DCC: variants seen among roughly 807,000 people sequenced by gnomAD.
DCC encodes the protein DCC netrin 1 receptor, also known as netrin receptor DCC.
A neutral mutation model predicts 172.5 loss-of-function variants in DCC; 58 were observed. That is an observed-to-expected ratio of 0.34 (90% confidence interval 0.27 to 0.42). The LOEUF (loss-of-function observed/expected upper bound fraction) is 0.42. DCC is among the 10% of genes least tolerant of loss of function. DCC has a pLI of 1.00. For missense variants in DCC, 1,740 were observed against 1,791.0 expected, an observed-to-expected ratio of 0.97 and a Z score of 0.51; for synonymous variants, 709 against 644.5, an observed-to-expected ratio of 1.10 and a Z score of -1.52.
Position 52,773,522 on chromosome 18 carries a change from T to TATCTATCTATCTATCTATC in DCC, c.412+21148_412+21149insATCTATCTATCTATCTATC, listed in dbSNP as rs1568093891. Among the ~76,000 whole-genome samples, 339 of 151,490 alleles carry TATCTATCTATCTATCTATC rather than the reference T, an allele frequency of 2.2e-3. 3 individuals carry two copies. Among genetic ancestry groups the TATCTATCTATCTATCTATC allele is most frequent in the African/African-American group, 8.0e-3 (330 of 41,156 alleles). On this transcript the variant is annotated intron_variant, in intron 2 of 28. Coordinates refer to ENST00000442544, the MANE Select transcript of DCC (RefSeq NM_005215.4). ...TCTCTATATATCTATATCTATCTATTTATCTATCTATCTATATATTTTGAG... is the reference window on the plus strand; with the variant it reads ...TCTCTATATATCTATATCTATCTATTATCTATCTATCTATCTATCTATCTATCTATCTATATATTTTGAG...
chr18:52,684,218 G>C (rs1445785720), intron 1 of DCC, among the ~76,000 whole-genome samples: 2 of 152,044 alleles, frequency 1.3e-5, no homozygotes, highest in East Asian at 3.9e-4. Flanking sequence ...TCTGACCTTT[G>C]TTAATCATTG....
chr18:53,291,459 C>G (rs182174881), intron 12 of DCC, among the ~76,000 whole-genome samples: 12 of 152,208 alleles, frequency 7.9e-5, no homozygotes, highest in Admixed American at 6.5e-4. Flanking sequence ...GTGAAATAAA[C>G]TTTTCTCAAG....
chr18:53,368,460 T>C (rs997605805), intron 15 of DCC, among the ~76,000 whole-genome samples: 2 of 116,868 alleles, frequency 1.7e-5, no homozygotes, highest in African/African-American at 3.0e-5. Context: ...GCAAATTGCC[T>C]ATTTTTCCTT....
intron 1 of DCC, among the ~76,000 whole-genome samples, chr18:52,742,797 C>T (rs1382705204): frequency 6.6e-6 from 1 of 152,060 alleles, no homozygotes; most frequent in Non-Finnish European, 1.5e-5. Context: ...TTGAGAAAAC[C>T]TAACCGAAAA....
chr18:52,750,450 A>T (rs2036977506), intron 1 of DCC, among the ~76,000 whole-genome samples: 1 of 152,210 alleles, frequency 6.6e-6, no homozygotes, highest in African/African-American at 2.4e-5. Flanking sequence ...ATCAATATCC[A>T]TCTATAATAG....
chr18:53,096,632 G>A (rs942242208), intron 7 of DCC, among the ~76,000 whole-genome samples: 2 of 152,026 alleles, frequency 1.3e-5, no homozygotes, highest in South Asian at 2.1e-4. Flanking sequence ...TAATGGAGGG[G>A]CTATGCTTTA....
At chr18:52,978,408 C>T (rs1166280673) in intron 5 of DCC, among the ~76,000 whole-genome samples, 2 of 152,118 alleles carry the variant, frequency 1.3e-5, no homozygotes, top group Non-Finnish European at 2.9e-5. Context: ...AGAATTTCAA[C>T]AAGAAAGAGG....
At chr18:52,880,463 T>C (rs2039468054) in intron 2 of DCC, among the ~76,000 whole-genome samples, 1 of 152,312 alleles carries the variant, frequency 6.6e-6, no homozygotes, top group South Asian at 2.1e-4. Flanking sequence ...TCATTCTTTC[T>C]AATTATGTTT....
intron 26 of DCC, among the ~76,000 whole-genome samples, chr18:53,492,355 G>T (rs1352520266): frequency 6.6e-6 from 1 of 152,092 alleles, no homozygotes; most frequent in Non-Finnish European, 1.5e-5. Context: ...ATTGCTTTTG[G>T]TGTTTTAGTC....
intron 7 of DCC, among the ~76,000 whole-genome samples, chr18:53,142,989 G>A (rs1243274787): frequency 6.6e-6 from 1 of 151,968 alleles, no homozygotes; most frequent in Non-Finnish European, 1.5e-5. Flanking sequence ...CTTTAGACTG[G>A]TATTCTTTTT....
intron 1 of DCC, among the ~76,000 whole-genome samples, chr18:52,597,337 C>G (rs2033929541): frequency 1.3e-5 from 2 of 152,284 alleles, no homozygotes; most frequent in Admixed American, 6.5e-5. Flanking sequence ...TTTTCATGCT[C>G]ACTTGATTTC....
intron 1 of DCC, among the ~76,000 whole-genome samples, chr18:52,713,409 G>C (rs1032523291): frequency 1.3e-5 from 2 of 152,210 alleles, no homozygotes; most frequent in African/African-American, 4.8e-5. Flanking sequence ...GAGCAGAGGA[G>C]AGAGAACAAG....
At chr18:53,506,155 C>T (rs1460059205) in intron 27 of DCC, among the ~76,000 whole-genome samples, 1 of 152,086 alleles carries the variant, frequency 6.6e-6, no homozygotes, top group African/African-American at 2.4e-5. Flanking sequence ...TTCTTAGGAC[C>T]TTCATCGCCA....
At chr18:53,005,620 C>T (rs978031003) in intron 5 of DCC, among the ~76,000 whole-genome samples, 2 of 152,060 alleles carry the variant, frequency 1.3e-5, no homozygotes, top group East Asian at 1.9e-4. Context: ...CCCAGCTACT[C>T]GGGAGACTGA....
At chr18:52,399,760 G>A (rs552077614) in intron 1 of DCC, among the ~76,000 whole-genome samples, 9 of 152,046 alleles carry the variant, frequency 5.9e-5, no homozygotes, top group African/African-American at 1.4e-4. Flanking sequence ...TTATAAAGCC[G>A]TTATTGACAT....
chr18:52,732,653 A>G (rs2036662520), intron 1 of DCC, among the ~76,000 whole-genome samples: 1 of 152,306 alleles, frequency 6.6e-6, no homozygotes, highest in East Asian at 1.9e-4. Flanking sequence ...CCTCTGATAT[A>G]GAGAAATAAA....
At chr18:53,100,045 C>T (rs1289561798) in intron 7 of DCC, among the ~76,000 whole-genome samples, 1 of 149,384 alleles carries the variant, frequency 6.7e-6, no homozygotes, top group Non-Finnish European at 1.5e-5. Context: ...CTCCCAGGTT[C>T]CAGCAATTCT....
chr18:53,392,780 A>G (rs1021610862), intron 17 of DCC, among the ~76,000 whole-genome samples: 2 of 152,208 alleles, frequency 1.3e-5, no homozygotes, highest in African/African-American at 4.8e-5. Flanking sequence ...GTTACTTACT[A>G]CATATAATTT....
rs1221230245 is a variant in DCC at position 53,429,087 on chromosome 18, AATATATATTTTATATATAAT to A, written c.3164-6038_3164-6019del. ...TTTATATATAATATATATTTTATAT[AATATATATTTTATATATAAT>A]ATATATATTTTATATATATATAAAT... On this transcript the variant is annotated intron_variant, in intron 21 of 28. Transcript: ENST00000442544. Among the ~76,000 whole-genome samples, 24 of 82,576 alleles carry A rather than the reference AATATATATTTTATATATAAT, an allele frequency of 2.9e-4. 4 individuals carry two copies. The highest frequency in any genetic ancestry group is 6.9e-4 in the African/African-American group (18 of 26,008). The allele number at this position is 82,576 out of a possible 152,430, so 54.2% of individuals were successfully genotyped here. A position where few individuals can be genotyped will look rare whatever the true frequency, so the allele number is the denominator to read the frequency against.
Sources: allele counts gnomAD v4.1 joint callset (sites outside exome capture counted in the v4.1 genomes callset), GRCh38; gene constraint gnomAD v4.1.1; transcripts MANE v1.5; gene names NCBI Gene and HGNC (gene_info 2026-07-23, HGNC 2026-07-21).